The following PLEC variants were observed in gnomAD, a reference collection of about 807,000 sequenced individuals.
PLEC encodes hemidesmosomal protein 1.
Under a neutral mutation model 392.8 loss-of-function variants are expected in PLEC, and 216 were observed. That is an observed-to-expected ratio of 0.55 (90% confidence interval 0.49 to 0.62). PLEC has a LOEUF of 0.62. Among genes scored for constraint, PLEC ranks in the 20% least tolerant of loss-of-function variants. The pLI, the probability that PLEC is intolerant of heterozygous loss-of-function variation, is 0.00. For missense variants in PLEC, 6,863 were observed against 6,563.4 expected (o/e 1.05, Z -1.58); for synonymous variants, 3,621 against 2,980.6 (o/e 1.21, Z -7.00).
chr8:143,951,170 G>A (rs1174899048), upstream of PLEC, among the ~76,000 whole-genome samples: 2 of 151,984 alleles, frequency 1.3e-5, no homozygotes, highest in African/African-American at 4.8e-5. Context: ...AAGTGGGGGC[G>A]GATATAGACC....
upstream of PLEC, among the ~76,000 whole-genome samples, chr8:143,954,520 C>T (rs534998838): frequency 5.2e-4 from 79 of 152,322 alleles, no homozygotes; most frequent in Non-Finnish European, 7.1e-4. This position sits in a 1 kb window ranked among gnomAD's most constrained non-coding sequence, Gnocchi z 4.6. Context: ...TCTCCACTGC[C>T]GCCAGATGAC....
upstream of PLEC, chr8:143,944,075 C>T (rs564012969): frequency 1.0e-4 from 81 of 794,888 alleles, no homozygotes; most frequent in Middle Eastern, 7.5e-4. Context: ...GCCTCCTCTC[C>T]TCCTCCCTCC....
In PLEC at chr8:143,925,016, G is replaced by C; in HGVS notation, c.4913C>G (p.Ala1638Gly). 2 of 1,568,340 alleles carry C rather than the reference G, an allele frequency of 1.3e-6. No individual in the cohort carries two copies. Among genetic ancestry groups the C allele is most frequent in the Non-Finnish European group, 1.7e-6 (2 of 1,165,492 alleles). ...ERELERWQLK[A>G]NEALRLRLQA... ...CAGCCGCAGCCGTAGCGCCTCGTTG[G>C]CCTTGAGCTGCCAGCGCTCCAGCTC... Residue 1638 changes from alanine (A) to glycine (G), a missense_variant, in exon 31 of 32, where the codon GCC (alanine) becomes GGC (glycine). Coordinates refer to ENST00000345136, the MANE Select transcript of PLEC (RefSeq NM_201384.3).
Position 143,917,621 on chromosome 8 carries a change from T to C in PLEC, c.12200A>G (p.Tyr4067Cys). 2 of 1,613,724 alleles carry C rather than the reference T, an allele frequency of 1.2e-6. No individual in the cohort carries two copies. The highest frequency in any genetic ancestry group is 1.7e-6 in the Non-Finnish European group (2 of 1,180,012). Residue 4067 changes from tyrosine (Y) to cysteine (C), a missense_variant, in exon 32 of 32, where the codon TAC (tyrosine) becomes TGC (cysteine). By Grantham distance (194) the Tyr-to-Cys change is radical (BLOSUM62 -2). Coordinates refer to ENST00000345136, the MANE Select transcript of PLEC (RefSeq NM_201384.3). Reference protein sequence around the residue: ...ESHRLPVEVAYKRGLFDEEMN... With the variant: ...ESHRLPVEVACKRGLFDEEMN... ...CTCCTCATCGAAGAGGCCGCGCTTG[T>C]AGGCCACCTCCACGGGCAGCCGGTG... is the stretch of plus-strand genomic sequence containing the variant.
At position 143,923,133 on chromosome 8, in the gene PLEC, G is replaced by C. The variant is rs782297310; in HGVS notation, c.6796C>G (p.Leu2266Val). Residue 2266 changes from leucine to valine, a missense_variant, in exon 31 of 32, where the codon CTG becomes GTG. Leu to Val is a conservative substitution (Grantham distance 32, BLOSUM62 1). Coordinates refer to ENST00000345136, the MANE Select transcript of PLEC (RefSeq NM_201384.3). ...TTCATCTTCTCAGCCTCCTCCTGCA[G>C]GAAGCGCTGCGTATTGTCCTTGTCA... ...LRDKDNTQRF[L>V]QEEAEKMKQV... 1.2e-6 allele frequency: 2 copies of C among 1,603,718 alleles called. No homozygotes were observed. Among genetic ancestry groups the C allele is most frequent in the African/African-American group, 1.3e-5 (1 of 74,908 alleles).
intron 1 of PLEC, among the ~76,000 whole-genome samples, chr8:143,960,140 G>C (rs1326102845): frequency 2.0e-5 from 3 of 151,524 alleles, no homozygotes; most frequent in African/African-American, 4.9e-5. Flanking sequence ...AAATTAGCTG[G>C]GCATGGTGGT....
chr8:143,921,575 G>T lies in PLEC; in HGVS notation c.8246C>A (p.Thr2749Asn). 1 of 1,612,394 alleles carries T rather than the reference G, an allele frequency of 6.2e-7. No individual in the cohort carries two copies. The highest frequency in any genetic ancestry group is 1.7e-4 in the Middle Eastern group (1 of 6,058). Residue 2749 changes from threonine (T) to asparagine (N), a missense_variant, in exon 32 of 32, where the codon ACC (threonine) becomes AAC (asparagine). Transcript: ENST00000345136. ...ACCCTCCTTCACAGCCTCGTTGACG[G>T]TCAGCCGCCGGTTCCGCACAGGGTC... ...LLDPVRNRRL[T>N]VNEAVKEGVV... is the part of the protein sequence containing the mutation.
rs1002349402 is a variant in PLEC, at chr8:143,926,762, G to A, written c.4044+22C>T. 5 of 1,592,166 alleles carry A rather than the reference G, an allele frequency of 3.1e-6. No homozygotes were observed. In the Admixed American group the frequency reaches 8.3e-5, roughly 27 times the overall value. ...GTGGTGAGATGGAACCCTCTGCCCA[G>A]CCTCCGCCCAACGGGCTGTACCTCC... On this transcript the variant is annotated intron_variant, in intron 30 of 31. Transcript: ENST00000345136.
chr8:143,942,598 G>A, upstream of PLEC: 5 of 1,430,698 alleles, frequency 3.5e-6, 1 homozygote, highest in South Asian at 6.9e-5. Context: ...TCCAGCCCAC[G>A]CTGCGAGGCT....
chr8:143,969,175 G>A lies in PLEC; in HGVS notation c.70+4228C>T, dbSNP rs539151274. 1.6e-4 allele frequency among the ~76,000 whole-genome samples: 25 copies of A among 152,202 alleles called. No individual in the cohort carries two copies. The highest frequency in any genetic ancestry group is 4.6e-4 in the African/African-American group (19 of 41,556). ...TCCACACCACGGAACCGACTCCAGCGGGGGGAGGGTGAGGTGCTGATGGCG... is the reference window on the plus strand; with the variant it reads ...TCCACACCACGGAACCGACTCCAGCAGGGGGAGGGTGAGGTGCTGATGGCG... On this transcript the variant is annotated intron_variant, in intron 1 of 31. Transcript: ENST00000356346. This position sits in a 1 kb window ranked among gnomAD's most constrained non-coding sequence, Gnocchi z 5.1.
At position 143,924,782 on chromosome 8, in the gene PLEC, A is replaced by G. The variant is rs1824328184; in HGVS notation, c.5147T>C (p.Ile1716Thr). 1 of 1,535,502 alleles carries G rather than the reference A, an allele frequency of 6.5e-7. No homozygotes were observed. The highest frequency in any genetic ancestry group is 8.7e-7 in the Non-Finnish European group (1 of 1,146,712). ...QQRLAAEQEL[I>T]RLRAETEQGE... Reference sequence around the variant, plus strand: ...CTGCTCCGTCTCGGCCCGCAGCCGGATCAACTCCTGCTCCGCGGCCAGGCG... The same window carrying G: ...CTGCTCCGTCTCGGCCCGCAGCCGGGTCAACTCCTGCTCCGCGGCCAGGCG... The change falls in exon 31 of 32, where the codon ATC becomes ACC. Residue 1716 changes from isoleucine (I) to threonine (T), a missense_variant. Coordinates refer to ENST00000345136, the MANE Select transcript of PLEC (RefSeq NM_201384.3).
At chr8:143,931,694 T>A in intron 18 of PLEC, 35 bp from the exon 19 acceptor site, 1 of 1,584,518 alleles carries the variant, frequency 6.3e-7, no homozygotes, top group Non-Finnish European at 8.6e-7. Context: ...CCAGGCTACC[T>A]GGGACCAGAG....
chr8:143,951,067 C>A (rs542231044), upstream of PLEC, among the ~76,000 whole-genome samples: 35 of 152,340 alleles, frequency 2.3e-4, no homozygotes, highest in African/African-American at 8.4e-4. Context: ...CCACAGCTGC[C>A]CCTTTCCCCC....
intron 30 of PLEC, 92 bp from the exon 31 acceptor site, chr8:143,925,976 CAGCGCGGAGCAGGGGTCGGGGA>C: frequency 7.4e-7 from 1 of 1,343,396 alleles, no homozygotes; most frequent in South Asian, 1.3e-5. Flanking sequence ...TTCACTCAGA[CAGCGCGGAGCAGGGGTCGGGGA>C]AGACAGAGGC....
In PLEC at chr8:143,922,031, T is replaced by C; in HGVS notation, c.7790A>G (p.Gln2597Arg). 6.3e-7 allele frequency: 1 copy of C among 1,596,722 alleles called. No homozygotes were observed. Among genetic ancestry groups the C allele is most frequent in the Non-Finnish European group, 8.5e-7 (1 of 1,179,240 alleles). The stretch of plus-strand genomic sequence containing the variant: ...GTGCTGCTCCTCCAGGAGCTGCAGC[T>C]GCTCACGCAGCCTCTGGTTCTCCTC... ...LAEENQRLRE[Q>R]LQLLEEQHRA... The change falls in exon 32 of 32, where the codon CAG (glutamine) becomes CGG (arginine). Residue 2597 changes from glutamine to arginine, a missense_variant. Physicochemically the swap from Gln to Arg is conservative, Grantham distance 43 (BLOSUM62 1). Transcript: ENST00000345136.
rs1829735459 is a variant in PLEC at position 143,938,651 on chromosome 8, C to G, written c.154G>C (p.Val52Leu). ...CCAACCTTGATGAGGTGCTTGTTGACCCACTTGGTGAAGGTTTTCTTCTGC... is the reference window on the plus strand; with the variant it reads ...CCAACCTTGATGAGGTGCTTGTTGAGCCACTTGGTGAAGGTTTTCTTCTGC... ...RVQKKTFTKW[V>L]NKHLIKAQRH... Residue 52 changes from valine (V) to leucine (L), a missense_variant, in exon 2 of 32, where the codon GTC becomes CTC. Transcript: ENST00000345136. 5.0e-6 allele frequency: 8 copies of G among 1,613,842 alleles called. No individual in the cohort carries two copies. The highest frequency in any genetic ancestry group is 6.8e-6 in the Non-Finnish European group (8 of 1,179,940).
intron 11 of PLEC, 77 bp from the exon 12 acceptor site, chr8:143,934,168 C>T: frequency 6.3e-7 from 1 of 1,587,422 alleles, no homozygotes; most frequent in Non-Finnish European, 8.6e-7. Context: ...AGCTCGCCTC[C>T]CGCTCCGGTC....
In PLEC at chr8:143,916,629, T is replaced by C; in HGVS notation, c.13192A>G (p.Ile4398Val). The C allele has an allele frequency of 1.2e-6, 2 of 1,610,124 alleles. No homozygotes were observed. Among genetic ancestry groups the C allele is most frequent in the East Asian group, 4.5e-5 (2 of 44,780 alleles). Reference protein sequence around the residue: ...LEVQYLTGGLIEPDTPGRVPL... With the variant: ...LEVQYLTGGLVEPDTPGRVPL... ...ACGCGGCCCGGCGTGTCGGGCTCGA[T>C]CAAGCCGCCGGTCAGGTACTGCACC... Residue 4398 changes from isoleucine (I) to valine (V), a missense_variant, in exon 32 of 32, where the codon ATC becomes GTC. Ile to Val is a conservative substitution (Grantham distance 29). Transcript: ENST00000345136.
rs782640329 is a variant in PLEC at position 143,922,154 on chromosome 8, C to T, written c.7667G>A (p.Arg2556Gln). Residue 2556 changes from arginine to glutamine, a missense_variant, in exon 32 of 32, where the codon CGG (arginine) becomes CAG (glutamine). Physicochemically the swap from Arg to Gln is conservative, Grantham distance 43. Coordinates refer to ENST00000345136, the MANE Select transcript of PLEC (RefSeq NM_201384.3). ...CTCCTCGGCCTCATGCTGCCGCCGC[C>T]GCGCCTCCTCCATGCTGGCCACCAG... is the stretch of plus-strand genomic sequence containing the variant. ...QRLVASMEEA[R>Q]RRQHEAEEGV... 1.9e-5 allele frequency: 29 copies of T among 1,539,978 alleles called. No individual in the cohort carries two copies. The highest frequency in any genetic ancestry group is 2.4e-5 in the East Asian group (1 of 41,142).
Sources: allele counts gnomAD v4.1 joint callset (sites outside exome capture counted in the v4.1 genomes callset), GRCh38; gene constraint gnomAD v4.1.1; non-coding constraint Gnocchi (gnomAD v3.1); transcripts MANE v1.5; gene names NCBI Gene and HGNC (gene_info 2026-07-23, HGNC 2026-07-21).